ATP10A: variants seen among roughly 807,000 people sequenced by gnomAD.
The protein encoded by ATP10A is ATPase phospholipid transporting 10A (putative), also known as phospholipid-transporting ATPase VA.
ATP10A carries 111 observed loss-of-function variants against 147.8 expected under a neutral mutation model. The observed-to-expected ratio is 0.75, with a 90% CI of 0.64 to 0.88. The LOEUF is 0.88. Ranked by LOEUF, ATP10A falls within the 40% of genes least tolerant of loss-of-function variation. The pLI is 0.00. For synonymous variants in ATP10A, 875 were observed against 841.6 expected, an observed-to-expected ratio of 1.04 and a Z score of -0.69; for missense variants, 1,927 against 1,959.0, an observed-to-expected ratio of 0.98 and a Z score of 0.31.
chr15:25,738,994 C>T (rs1377556397), intron 2 of ATP10A, among the ~76,000 whole-genome samples: 1 of 152,204 alleles, frequency 6.6e-6, no homozygotes. Context: ...CTGGCATTAA[C>T]AGAAAAAGAT....
At chr15:25,715,921 C>T (rs1041585351) in intron 9 of ATP10A, among the ~76,000 whole-genome samples, 9 of 152,174 alleles carry the variant, frequency 5.9e-5, no homozygotes, top group African/African-American at 1.4e-4. Flanking sequence ...ATGCATATCA[C>T]GCTTCCGTGC....
At chr15:25,834,203 G>T (rs1892494850) in intron 1 of ATP10A, among the ~76,000 whole-genome samples, 1 of 152,060 alleles carries the variant, frequency 6.6e-6, no homozygotes, top group African/African-American at 2.4e-5. Context: ...GTGCTTCAAA[G>T]GGCATAATCA....
chr15:25,718,036 G>A, intron 8 of ATP10A, 146 bp downstream of exon 8: 1 of 801,222 alleles, frequency 1.2e-6, no homozygotes, highest in Non-Finnish European at 1.9e-6. Context: ...GAAAGTGTTG[G>A]CCAGAAAAGC....
Position 25,850,030 on chromosome 15 carries a change from G to A in ATP10A, c.449+12618C>T, listed in dbSNP as rs549587035. Among the ~76,000 whole-genome samples, 5 of 152,202 alleles carry A rather than the reference G, an allele frequency of 3.3e-5. No individual in the cohort carries two copies. In the South Asian group the frequency reaches 6.2e-4, roughly 19 times the overall value. On this transcript the variant is annotated intron_variant, in intron 1 of 20. Transcript: ENST00000555815. Reference sequence around the variant, plus strand: ...AGGTTTCTACCAATTAATTATGAGGGACAAGACATACATAACTAAATATAA... The same window carrying A: ...AGGTTTCTACCAATTAATTATGAGGAACAAGACATACATAACTAAATATAA...
chr15:25,800,496 C>T (rs1262485288), intron 1 of ATP10A, among the ~76,000 whole-genome samples: 1 of 152,184 alleles, frequency 6.6e-6, no homozygotes, highest in Non-Finnish European at 1.5e-5. Context: ...TGTGACCCAG[C>T]GGTTGCAGCT....
chr15:25,856,851 T>A (rs1893539629), intron 1 of ATP10A, among the ~76,000 whole-genome samples: 1 of 151,950 alleles, frequency 6.6e-6, no homozygotes, highest in African/African-American at 2.4e-5. Flanking sequence ...TCCACAGGAA[T>A]TACAATAGAA....
downstream of ATP10A, chr15:25,678,218 C>G (rs748041706): frequency 3.3e-5 from 5 of 151,934 alleles, no homozygotes; most frequent in Non-Finnish European, 7.4e-5. Flanking sequence ...TTTCCTGATA[C>G]GCCATGCTGA....
At chr15:25,769,507 A>G (rs1263623749) in intron 2 of ATP10A, among the ~76,000 whole-genome samples, 1 of 151,366 alleles carries the variant, frequency 6.6e-6, no homozygotes, top group Admixed American at 6.6e-5. Flanking sequence ...AAAAAAAAAA[A>G]AAAAAAGACA....
At chr15:25,800,405 G>A (rs567827193) in intron 1 of ATP10A, among the ~76,000 whole-genome samples, 15 of 152,114 alleles carry the variant, frequency 9.9e-5, no homozygotes, top group African/African-American at 3.4e-4. Context: ...CCCTGCTCCT[G>A]CCTCCCCAGG....
At chr15:25,781,303 T>C (rs1889911234) in intron 1 of ATP10A, 80 bp from the exon 2 acceptor site, 2 of 1,205,270 alleles carry the variant, frequency 1.7e-6, no homozygotes, top group Non-Finnish European at 2.4e-6. Context: ...GTGGGGCTCA[T>C]ATGGCAATTC....
chr15:25,830,323 C>G (rs1160681647), intron 1 of ATP10A, among the ~76,000 whole-genome samples: 2 of 152,188 alleles, frequency 1.3e-5, no homozygotes, highest in Non-Finnish European at 2.9e-5. Context: ...TGGGAAGTCA[C>G]TGAAAGGGGT....
At chr15:25,776,746 C>T (rs908690054) in intron 2 of ATP10A, among the ~76,000 whole-genome samples, 7 of 152,228 alleles carry the variant, frequency 4.6e-5, no homozygotes, top group African/African-American at 9.6e-5. Flanking sequence ...TGCCCACCGC[C>T]TTCCGGTTTT....
intron 1 of ATP10A, among the ~76,000 whole-genome samples, chr15:25,837,756 A>G (rs1892655954): frequency 6.6e-6 from 1 of 152,228 alleles, no homozygotes; most frequent in South Asian, 2.1e-4. Context: ...GCTGGCTGGC[A>G]GGGTCCTGGG....
chr15:25,859,302 A>G (rs544992459), intron 1 of ATP10A, among the ~76,000 whole-genome samples: 52 of 152,306 alleles, frequency 3.4e-4, no homozygotes, highest in Middle Eastern at 3.4e-3. Flanking sequence ...GACCGATGTC[A>G]GCTAAAGGGA....
intron 1 of ATP10A, chr15:25,841,808 T>C (rs1488591576): frequency 6.6e-6 from 1 of 152,258 alleles, no homozygotes; most frequent in Non-Finnish European, 1.5e-5. Context: ...TTTATTTTCT[T>C]GGTGCAACTG....
At chr15:25,768,537 T>C (rs1889148853) in intron 2 of ATP10A, among the ~76,000 whole-genome samples, 1 of 99,604 alleles carries the variant, frequency 1.0e-5, no homozygotes, top group Non-Finnish European at 2.0e-5. Flanking sequence ...GAGCTCTCTC[T>C]CTCTTTTTTT....
chr15:25,851,383 T>G (rs1893291964), intron 1 of ATP10A, among the ~76,000 whole-genome samples: 1 of 152,076 alleles, frequency 6.6e-6, no homozygotes, highest in Non-Finnish European at 1.5e-5. Context: ...TTAATTATTA[T>G]TGTTATAACT....
chr15:25,832,804 G>T (rs1254589200), intron 1 of ATP10A, among the ~76,000 whole-genome samples: 3 of 152,028 alleles, frequency 2.0e-5, no homozygotes, highest in Non-Finnish European at 2.9e-5. Flanking sequence ...TTTTCCAATA[G>T]CTAGAAGAGA....
chr15:25,787,849 T>C (rs1211971206), intron 1 of ATP10A, among the ~76,000 whole-genome samples: 1 of 152,022 alleles, frequency 6.6e-6, no homozygotes, highest in Non-Finnish European at 1.5e-5. Flanking sequence ...TACATCGGCC[T>C]GCATAGATGA....
Sources: gnomAD v4.1 joint callset for allele counts (sites outside exome capture counted in the v4.1 genomes callset) on GRCh38, gnomAD v4.1.1 for gene constraint, MANE v1.5 for transcripts, NCBI Gene and HGNC (gene_info 2026-07-23, HGNC 2026-07-21) for gene names.